The following CXCL17 variants were observed in gnomAD, a reference collection of about 807,000 sequenced individuals.
The protein encoded by CXCL17 is C-X-C motif chemokine ligand 17.
CXCL17 carries 9 observed loss-of-function variants against 15.5 expected under a neutral mutation model. The observed-to-expected ratio is 0.58, with a 90% CI of 0.35 to 1.01. The LOEUF is 1.01. Among genes scored for constraint, CXCL17 ranks in the 50% least tolerant of loss-of-function variants. The pLI, the probability that CXCL17 is intolerant of heterozygous loss-of-function variation, is 0.02. For missense variants in CXCL17, 133 were observed against 138.2 expected (o/e 0.96, Z 0.19); for synonymous variants, 52 against 52.3 (o/e 0.99, Z 0.02).
intron 3 of CXCL17, among the ~76,000 whole-genome samples, chr19:42,429,246 G>T (rs1305691617): frequency 1.3e-5 from 2 of 148,360 alleles, no homozygotes; most frequent in East Asian, 2.0e-4. Context: ...AGGCTGGTCT[G>T]GAACTCCTGA....
intron 3 of CXCL17, 52 bp from the exon 4 acceptor site, chr19:42,429,033 TC>T (rs763125186): frequency 7.0e-7 from 1 of 1,436,820 alleles, no homozygotes; most frequent in East Asian, 2.3e-5. Context: ...TTTTAACATT[TC>T]TTTTTTTTTT....
rs368391081 is a variant in CXCL17, at chr19:42,429,717, G to C, written c.263-736C>G. ...TTTAAAATCCAGTAAAAAGTAAAAG[G>C]ACTCCTCCCACCCCAGCCTCTACAA... On this transcript the variant is annotated intron_variant, in intron 3 of 3. Coordinates refer to ENST00000601181, the MANE Select transcript of CXCL17 (RefSeq NM_198477.3). 3.8e-4 allele frequency among the ~76,000 whole-genome samples: 58 copies of C among 152,100 alleles called. 1 individual carries two copies. The highest frequency in any genetic ancestry group is 1.4e-3 in the African/African-American group (56 of 41,470).
intron 1 of CXCL17, among the ~76,000 whole-genome samples, chr19:42,438,371 A>AT: frequency 9.3e-6 from 1 of 107,260 alleles, no homozygotes; most frequent in Non-Finnish European, 1.7e-5. Context: ...AAAAAAAAAA[A>AT]AAAAAAAAAA....
intron 3 of CXCL17, 96 bp from the exon 4 acceptor site, chr19:42,429,077 G>A: frequency 4.4e-6 from 4 of 915,392 alleles, no homozygotes; most frequent in Non-Finnish European, 7.1e-6. Flanking sequence ...GCCCAGGCTG[G>A]AGTGCAGTGG....
At chr19:42,430,215 T>G (rs1039252830) in intron 3 of CXCL17, among the ~76,000 whole-genome samples, 2 of 152,090 alleles carry the variant, frequency 1.3e-5, no homozygotes, top group Non-Finnish European at 2.9e-5. Context: ...GTATTATATA[T>G]CTATAGAAGT....
chr19:42,437,592 A>G (rs1222800178), intron 1 of CXCL17, among the ~76,000 whole-genome samples: 1 of 152,198 alleles, frequency 6.6e-6, no homozygotes, highest in East Asian at 1.9e-4. Context: ...GTTGGGAATA[A>G]GTGAGCTGCT....
chr19:42,440,396 T>C (rs1354559387), intron 1 of CXCL17, among the ~76,000 whole-genome samples: 1 of 152,194 alleles, frequency 6.6e-6, no homozygotes, highest in Non-Finnish European at 1.5e-5. Context: ...GAGGAGCTAT[T>C]ATTTCCTTTA....
chr19:42,439,704 A>T (rs1215980530), intron 1 of CXCL17, among the ~76,000 whole-genome samples: 1 of 152,162 alleles, frequency 6.6e-6, no homozygotes, highest in Non-Finnish European at 1.5e-5. Context: ...TCTTGCCCAA[A>T]ATGTGTAGCC....
intron 1 of CXCL17, 70 bp from the exon 2 acceptor site, chr19:42,433,926 T>A: frequency 8.5e-7 from 1 of 1,176,466 alleles, no homozygotes; most frequent in Non-Finnish European, 1.3e-6. Flanking sequence ...AGCATTGTTC[T>A]ACCTAGGTCA....
chr19:42,440,727 G>T (rs190143386), intron 1 of CXCL17, among the ~76,000 whole-genome samples: 22 of 152,332 alleles, frequency 1.4e-4, no homozygotes, highest in African/African-American at 4.8e-4. Flanking sequence ...TGCAAAGTGT[G>T]TGGCAGAGCC....
intron 3 of CXCL17, among the ~76,000 whole-genome samples, chr19:42,429,679 A>G (rs1398480897): frequency 6.6e-6 from 1 of 152,164 alleles, no homozygotes; most frequent in Non-Finnish European, 1.5e-5. Flanking sequence ...AGACTCATCC[A>G]GTGGAAAAAA....
At chr19:42,435,849 G>A (rs898562289) in intron 1 of CXCL17, among the ~76,000 whole-genome samples, 1 of 145,508 alleles carries the variant, frequency 6.9e-6, no homozygotes, top group Non-Finnish European at 1.5e-5. Flanking sequence ...AAAAAAAGTA[G>A]GGGGGATCCT....
chr19:42,435,356 A>G (rs1236897995), intron 1 of CXCL17, among the ~76,000 whole-genome samples: 1 of 152,062 alleles, frequency 6.6e-6, no homozygotes, highest in African/African-American at 2.4e-5. Context: ...CTGTTATTGC[A>G]CTGTAATGTT....
In CXCL17 at chr19:42,432,072, A is replaced by T. The variant is rs373990984; in HGVS notation, c.262+904T>A. On this transcript the variant is annotated intron_variant, in intron 3 of 3. Transcript: ENST00000601181. ...TTTATTTTACTTCCGTCAATAGTGT[A>T]TAAGGATCCTGATATATCCCATTCT... is the stretch of plus-strand genomic sequence containing the variant. Among the ~76,000 whole-genome samples, 4 of 151,862 alleles carry T rather than the reference A, an allele frequency of 2.6e-5. 1 individual carries two copies. In the East Asian group the frequency reaches 5.8e-4, roughly 22 times the overall value.
rs529775210 is a variant in CXCL17 at position 42,436,171 on chromosome 19, G to A, written c.80-2315C>T. Among the ~76,000 whole-genome samples, 14 of 149,098 alleles carry A rather than the reference G, an allele frequency of 9.4e-5. 1 individual carries two copies. Among genetic ancestry groups the A allele is most frequent in the Admixed American group, 8.6e-4 (13 of 15,124 alleles). The stretch of plus-strand genomic sequence containing the variant: ...CATTTGGCAAATGTTTGTTCAACAC[G>A]TGGATGGATAAGTTGTTTGGAGAGG... On this transcript the variant is annotated intron_variant, in intron 1 of 3. Coordinates refer to ENST00000601181, the MANE Select transcript of CXCL17 (RefSeq NM_198477.3).
chr19:42,435,571 GC>G (rs760707730), intron 1 of CXCL17, among the ~76,000 whole-genome samples: 1 of 152,146 alleles, frequency 6.6e-6, no homozygotes, highest in Non-Finnish European at 1.5e-5. Context: ...GGTGGCTCAT[GC>G]CTATAATCTC....
Position 42,428,712 on chromosome 19 carries a change from G to C in CXCL17, c.*172C>G. On this transcript the variant is annotated 3_prime_UTR_variant, in exon 4 of 4. Transcript: ENST00000601181. Reference sequence around the variant, plus strand: ...AGACTGACGAGAGAAGAAGACACTAGAGAGAGCAACAAACAAAATGATCTT... The same window carrying C: ...AGACTGACGAGAGAAGAAGACACTACAGAGAGCAACAAACAAAATGATCTT... 4 of 654,370 alleles carry C rather than the reference G, an allele frequency of 6.1e-6. No individual in the cohort carries two copies. In the South Asian group the frequency reaches 7.0e-5, roughly 11 times the overall value. 40.5% of individuals were successfully genotyped at this position (654,370 alleles called of 1,614,324 possible).
At position 42,428,696 on chromosome 19, in the gene CXCL17, A is replaced by G. The variant is rs964250458; in HGVS notation, c.*188T>C. On this transcript the variant is annotated 3_prime_UTR_variant, in exon 4 of 4. Coordinates refer to ENST00000601181, the MANE Select transcript of CXCL17 (RefSeq NM_198477.3). ...GGGAGGGCACAGGCTAAGACTGACG[A>G]GAGAAGAAGACACTAGAGAGAGCAA... 2.3e-5 allele frequency: 14 copies of G among 607,146 alleles called. No individual in the cohort carries two copies. The highest frequency in any genetic ancestry group is 2.0e-4 in the African/African-American group (11 of 54,288). The allele number at this position is 607,146 out of a possible 1,614,324, so 37.6% of individuals were successfully genotyped here. A position where few individuals can be genotyped will look rare whatever the true frequency, so the allele number is the denominator to read the frequency against.
Position 42,442,920 on chromosome 19 carries a change from G to A in CXCL17, c.-88C>T. ...CTCCTGATCCCTGGGGATGACTCAG[G>A]TCAGGATACTCAGCCTGGTGGTCTA... On this transcript the variant is annotated 5_prime_UTR_variant, in exon 1 of 4. Coordinates refer to ENST00000601181, the MANE Select transcript of CXCL17 (RefSeq NM_198477.3). 2 of 974,204 alleles carry A rather than the reference G, an allele frequency of 2.1e-6. No homozygotes were observed. Among genetic ancestry groups the A allele is most frequent in the Non-Finnish European group, 3.2e-6 (2 of 628,438 alleles). The allele number at this position is 974,204 out of a possible 1,614,324, so 60.3% of individuals were successfully genotyped here. A position where few individuals can be genotyped will look rare whatever the true frequency, so the allele number is the denominator to read the frequency against.
Sources: allele counts gnomAD v4.1 joint callset (sites outside exome capture counted in the v4.1 genomes callset), GRCh38; gene constraint gnomAD v4.1.1; transcripts MANE v1.5; gene names NCBI Gene and HGNC (gene_info 2026-07-23, HGNC 2026-07-21).